CENPC: variants seen among roughly 807,000 people sequenced by gnomAD.
CENPC encodes the protein centromere protein C, also known as CENP-C 1.
In CENPC, 63 loss-of-function variants were observed where a neutral mutation model predicts 112.1. That is an observed-to-expected ratio of 0.56 (90% CI 0.46 to 0.69). The LOEUF (loss-of-function observed/expected upper bound fraction) is 0.69, where lower values mean the gene tolerates loss of function less well. Ranked by LOEUF, CENPC falls within the 30% of genes least tolerant of loss-of-function variation. The pLI, the probability that CENPC is intolerant of heterozygous loss-of-function variation, is 0.00. For missense variants in CENPC, 1,000 were observed against 1,103.8 expected (o/e 0.91, Z 1.33); for synonymous variants, 333 against 367.6 (o/e 0.91, Z 1.08).
At chr4:67,504,835 A>G (rs1387318359) in intron 12 of CENPC, among the ~76,000 whole-genome samples, 1 of 152,188 alleles carries the variant, frequency 6.6e-6, no homozygotes, top group African/African-American at 2.4e-5. Context: ...CAAAAAAAAA[A>G]AGGAAATTTT....
chr4:67,543,607 T>C (rs1410072168), intron 2 of CENPC, among the ~76,000 whole-genome samples: 1 of 152,196 alleles, frequency 6.6e-6, no homozygotes, highest in Non-Finnish European at 1.5e-5. Flanking sequence ...CAAAAGAACA[T>C]ACTTCTGTGC....
Position 67,512,436 on chromosome 4 carries a change from A to C in CENPC, c.1578T>G (p.Arg526=). The change falls in exon 9 of 19, where the codon CGT becomes CGG. Residue 526 remains arginine, a synonymous_variant. Coordinates refer to ENST00000273853, the MANE Select transcript of CENPC (RefSeq NM_001812.4). ...TVTKSRRISR[R]PSDWWVVKSE... ...ATTTTACCACCCACCAATCAGATGG[A>C]CGCCTGGAAATTCTTCGACTTTTCG... 1.2e-6 allele frequency: 2 copies of C among 1,600,296 alleles called. No homozygotes were observed. Among genetic ancestry groups the C allele is most frequent in the Non-Finnish European group, 1.7e-6 (2 of 1,173,852 alleles).
chr4:67,539,765 A>G (rs1238324119), intron 4 of CENPC, 75 bp downstream of exon 4: 3 of 718,384 alleles, frequency 4.2e-6, no homozygotes, highest in Non-Finnish European at 6.6e-6. Context: ...AACAACTAAA[A>G]TATACATGAG....
chr4:67,485,479 T>C (rs1725071345), intron 17 of CENPC, among the ~76,000 whole-genome samples: 1 of 150,910 alleles, frequency 6.6e-6, no homozygotes, highest in Admixed American at 6.6e-5. Context: ...ACCCCCCCAA[T>C]GTGATGGGAT....
At position 67,512,469 on chromosome 4, in the gene CENPC, T is replaced by C. The variant is rs774183475; in HGVS notation, c.1545A>G (p.Ser515=). The C allele has an allele frequency of 3.7e-6, 6 of 1,600,802 alleles. No individual in the cohort carries two copies. Among genetic ancestry groups the C allele is most frequent in the Non-Finnish European group, 5.1e-6 (6 of 1,173,472 alleles). ...AAATTCTTCGACTTTTCGTGACAGT[T>C]GAAGTCACTTCTTCAGGTACAAGTT... is the stretch of plus-strand genomic sequence containing the variant. The part of the protein sequence containing the change: ...KNKLVPEEVT[S]TVTKSRRISR... The change falls in exon 9 of 19, where the codon TCA becomes TCG. Residue 515 remains serine (S), a synonymous_variant. Transcript: ENST00000273853.
At chr4:67,484,489 G>A (rs1333692519) in intron 17 of CENPC, among the ~76,000 whole-genome samples, 7 of 152,188 alleles carry the variant, frequency 4.6e-5, no homozygotes, top group Admixed American at 4.6e-4. Context: ...TACTGCCTGA[G>A]CTCTGCCTCC....
chr4:67,491,461 A>G (rs1197291724), intron 16 of CENPC, among the ~76,000 whole-genome samples: 2 of 62,514 alleles, frequency 3.2e-5, no homozygotes, highest in African/African-American at 1.2e-4. Context: ...ATATATATAT[A>G]TATATATATA....
chr4:67,486,945 T>G (rs1338729153), intron 17 of CENPC, among the ~76,000 whole-genome samples: 1 of 149,596 alleles, frequency 6.7e-6, no homozygotes, highest in East Asian at 2.0e-4. Flanking sequence ...TTGATCAGAT[T>G]CAGGTTTTGT....
chr4:67,514,768 A>T (rs1726009738), intron 7 of CENPC, 81 bp from the exon 8 acceptor site: 2 of 1,356,010 alleles, frequency 1.5e-6, no homozygotes, highest in East Asian at 5.0e-5. Context: ...TCTAGGAAAT[A>T]AAATCTAAAT....
intron 8 of CENPC, among the ~76,000 whole-genome samples, chr4:67,513,203 C>T (rs2632454): frequency 0.63 from 95,301 of 151,418 alleles, 30,209 homozygotes; most frequent in East Asian, 0.81. Context: ...CCAGAGCTAC[C>T]AGAAAGAAAG....
At chr4:67,492,360 A>C in intron 15 of CENPC, 85 bp from the exon 16 acceptor site, 2 of 754,772 alleles carry the variant, frequency 2.6e-6, no homozygotes, top group Non-Finnish European at 4.2e-6. Context: ...ATATAGCTAT[A>C]GAGAAGTTAT....
At chr4:67,526,532 G>C (rs533579190) in intron 5 of CENPC, among the ~76,000 whole-genome samples, 11 of 150,532 alleles carry the variant, frequency 7.3e-5, no homozygotes, top group Non-Finnish European at 1.5e-4. Context: ...AAAAGTTCTT[G>C]AAAAAAAAAT....
intron 12 of CENPC, among the ~76,000 whole-genome samples, chr4:67,495,675 G>A (rs1282378752): frequency 6.6e-6 from 1 of 152,132 alleles, no homozygotes; most frequent in Non-Finnish European, 1.5e-5. Context: ...AAAAACAACA[G>A]ATTTTCTATT....
At chr4:67,522,999 T>C (rs1413024532) in intron 5 of CENPC, among the ~76,000 whole-genome samples, 1 of 148,046 alleles carries the variant, frequency 6.8e-6, no homozygotes, top group Non-Finnish European at 1.5e-5. Flanking sequence ...AAATTCCATC[T>C]CAAAAAAAAA....
chr4:67,489,190 TTATA>T (rs1239188008), intron 17 of CENPC, among the ~76,000 whole-genome samples: 3 of 103,544 alleles, frequency 2.9e-5, no homozygotes, highest in Admixed American at 1.2e-4. Context: ...AATATTCCTG[TTATA>T]CATACACACA....
At chr4:67,488,466 G>A (rs894569942) in intron 17 of CENPC, among the ~76,000 whole-genome samples, 4 of 151,912 alleles carry the variant, frequency 2.6e-5, no homozygotes, top group African/African-American at 7.2e-5. Flanking sequence ...ACTTCCCTGG[G>A]AAAAATTTCT....
At chr4:67,474,297 C>A (rs1560416057) in intron 18 of CENPC, among the ~76,000 whole-genome samples, 1 of 152,122 alleles carries the variant, frequency 6.6e-6, no homozygotes, top group Non-Finnish European at 1.5e-5. Context: ...GATCTCCTGT[C>A]CTTGTGATTT....
intron 5 of CENPC, among the ~76,000 whole-genome samples, chr4:67,521,927 G>A (rs1248977086): frequency 6.6e-6 from 1 of 152,110 alleles, no homozygotes. Flanking sequence ...GGTTGCCAGG[G>A]CTAATGGAAA....
At chr4:67,493,782 T>C in intron 14 of CENPC, 102 bp downstream of exon 14, 1 of 635,884 alleles carries the variant, frequency 1.6e-6, no homozygotes, top group Non-Finnish European at 2.7e-6. Context: ...TTTGGGGGGG[T>C]GATGATTAAG....
Sources: gnomAD v4.1 joint callset for allele counts (sites outside exome capture counted in the v4.1 genomes callset) on GRCh38, gnomAD v4.1.1 for gene constraint, MANE v1.5 for transcripts, NCBI Gene and HGNC (gene_info 2026-07-23, HGNC 2026-07-21) for gene names.